Variants in PDE1C observed in about 807,000 individuals in gnomAD.
PDE1C encodes the protein dual specificity calcium/calmodulin-dependent 3',5'-cyclic nucleotide phosphodiesterase 1C.
A neutral mutation model predicts 93.1 loss-of-function variants in PDE1C; 62 were observed. That is an observed-to-expected ratio of 0.67 (90% confidence interval 0.54 to 0.82). The LOEUF (loss-of-function observed/expected upper bound fraction) is 0.82, where lower values mean the gene tolerates loss of function less well. Ranked by LOEUF, PDE1C falls within the 40% of genes least tolerant of loss-of-function variation. The pLI, the probability that PDE1C is intolerant of heterozygous loss-of-function variation, is 0.00. For missense variants in PDE1C, 742 were observed against 884.6 expected (o/e 0.84, Z 2.04); for synonymous variants, 325 against 310.1 (o/e 1.05, Z -0.50).
intron 1 of PDE1C, among the ~76,000 whole-genome samples, chr7:32,058,518 CA>C (rs2128703996): frequency 6.6e-6 from 1 of 152,248 alleles, no homozygotes; most frequent in Non-Finnish European, 1.5e-5. Context: ...CACTGGCATG[CA>C]GGGTACAGGT....
At chr7:31,943,134 C>CTTTGAGCT (rs1335593475) in intron 2 of PDE1C, among the ~76,000 whole-genome samples, 9 of 152,134 alleles carry the variant, frequency 5.9e-5, no homozygotes, top group African/African-American at 1.9e-4. Flanking sequence ...CCAAAAAGAC[C>CTTTGAGCT]TTGTCCTTTG....
intron 17 of PDE1C, among the ~76,000 whole-genome samples, chr7:31,760,020 C>A (rs1794731040): frequency 6.6e-6 from 1 of 152,066 alleles, no homozygotes; most frequent in South Asian, 2.1e-4. Context: ...ATATCAAATA[C>A]AGCTATTAGG....
intron 11 of PDE1C, among the ~76,000 whole-genome samples, chr7:31,834,673 T>C (rs1256722671): frequency 1.3e-5 from 2 of 151,940 alleles, no homozygotes; most frequent in Admixed American, 1.3e-4. Flanking sequence ...CCCCATTGTA[T>C]CTAGGATGTA....
At chr7:31,617,115 C>T in the PDE1C span, among the ~76,000 whole-genome samples, 1 of 152,086 alleles carries the variant, frequency 6.6e-6, no homozygotes, top group Non-Finnish European at 1.5e-5. Context: ...GTGAGCTCGT[C>T]CCGGTATAAT....
chr7:31,624,986 A>C, the PDE1C span, among the ~76,000 whole-genome samples: 1 of 152,252 alleles, frequency 6.6e-6, no homozygotes, highest in African/African-American at 2.4e-5. Flanking sequence ...ACTTCTCAAA[A>C]GAAGACATTT....
At chr7:31,710,741 C>T in the PDE1C span, among the ~76,000 whole-genome samples, 1 of 152,166 alleles carries the variant, frequency 6.6e-6, no homozygotes, top group Non-Finnish European at 1.5e-5. Flanking sequence ...TCAAAAATCT[C>T]CCCAAGGCAG....
In PDE1C at chr7:32,077,328, C is replaced by A. The variant is rs552215296; in HGVS notation, c.308+92457G>T. Among the ~76,000 whole-genome samples, 11 of 152,276 alleles carry A rather than the reference C, an allele frequency of 7.2e-5. No homozygotes were observed. The South Asian group carries it at 2.3e-3, about 32-fold the overall frequency. On this transcript the variant is annotated intron_variant, in intron 3 of 18. Coordinates refer to the PDE1C transcript ENST00000396193. ...TAAAATAGTAGTGCTTCTTCCATCT[C>A]ATCCATCTGGCAGGACACAAAGGGA...
In PDE1C at chr7:31,809,236, A is replaced by T. The variant is rs1316926603; in HGVS notation, c.1814-128T>A. ...ATAGTCATAAGAGTGTATGTGTCTG[A>T]GTGTAAATATCTTTTGTAATCACGT... On this transcript the variant is annotated intron_variant, in intron 15 of 17. Coordinates refer to ENST00000396191, the MANE Select transcript of PDE1C (RefSeq NM_001191057.4). The T allele has an allele frequency of 1.6e-5, 9 of 567,618 alleles. No individual in the cohort carries two copies. The East Asian group carries it at 1.7e-4, about 11-fold the overall frequency. The allele number at this position is 567,618 out of a possible 1,614,324, so 35.2% of individuals were successfully genotyped here.
intron 2 of PDE1C, among the ~76,000 whole-genome samples, chr7:31,906,367 A>C (rs1462035275): frequency 6.6e-6 from 1 of 152,176 alleles, no homozygotes; most frequent in Admixed American, 6.6e-5. Flanking sequence ...TCTCAAGAGC[A>C]TGTTAACTTT....
chr7:32,069,319 G>T (rs1334613391), intron 1 of PDE1C, among the ~76,000 whole-genome samples: 2 of 152,172 alleles, frequency 1.3e-5, no homozygotes. Flanking sequence ...CAAACTGGCA[G>T]GAAGCTGGTT....
At chr7:31,682,669 A>G in the PDE1C span, among the ~76,000 whole-genome samples, 4 of 152,236 alleles carry the variant, frequency 2.6e-5, no homozygotes, top group Non-Finnish European at 5.9e-5. Context: ...CAAAAGAAGT[A>G]CACAATTGTT....
At chr7:32,347,220 A>G (rs1417111923) in intron 1 of PDE1C, among the ~76,000 whole-genome samples, 1 of 152,202 alleles carries the variant, frequency 6.6e-6, no homozygotes. Context: ...ACGATTAGCC[A>G]TGAGACTGAG....
chr7:32,163,470 A>G (rs2128799755), intron 3 of PDE1C, among the ~76,000 whole-genome samples: 1 of 152,316 alleles, frequency 6.6e-6, no homozygotes, highest in East Asian at 1.9e-4. Context: ...TCCGTAGCTG[A>G]GGGTGTTGGC....
At chr7:32,180,526 C>A (rs1329288602) in intron 2 of PDE1C, among the ~76,000 whole-genome samples, 1 of 152,116 alleles carries the variant, frequency 6.6e-6, no homozygotes, top group Non-Finnish European at 1.5e-5. Flanking sequence ...GAGGACACAG[C>A]GCTCCTCCTC....
chr7:32,343,427 G>T (rs1205518989), intron 1 of PDE1C, among the ~76,000 whole-genome samples: 1 of 152,126 alleles, frequency 6.6e-6, no homozygotes, highest in East Asian at 1.9e-4. Context: ...CACAGATGGT[G>T]GGCTGTGGAT....
chr7:32,086,347 A>T (rs1312789841), intron 3 of PDE1C, among the ~76,000 whole-genome samples: 1 of 152,196 alleles, frequency 6.6e-6, no homozygotes, highest in African/African-American at 2.4e-5. Context: ...GCTCAATGAA[A>T]TAAAAGAGGA....
chr7:32,278,127 C>CAAA (rs10626490), intron 1 of PDE1C, among the ~76,000 whole-genome samples: 8,747 of 135,824 alleles, frequency 0.064, 634 homozygotes, highest in African/African-American at 0.17. Context: ...AACGAGTTGC[C>CAAA]AAAAAAAAAA....
intron 2 of PDE1C, among the ~76,000 whole-genome samples, chr7:32,193,019 G>C (rs765215127): frequency 6.6e-5 from 10 of 152,094 alleles, no homozygotes; most frequent in Admixed American, 1.3e-4. Flanking sequence ...GACCGTGCTA[G>C]AACTCATTTA....
rs75181725 is a variant in PDE1C, at chr7:32,018,577, T to C, written c.128+32977A>G. On this transcript the variant is annotated intron_variant, in intron 2 of 17. Coordinates refer to ENST00000396191, the MANE Select transcript of PDE1C (RefSeq NM_001191057.4). ...GAAGCCAAACGCAAAAGATCAGAAA[T>C]TGTATTGTCCCATTTATATGAAATG... Among the ~76,000 whole-genome samples, 1,035 of 152,164 alleles carry C rather than the reference T, an allele frequency of 6.8e-3. 11 individuals are homozygous for C. Among genetic ancestry groups the C allele is most frequent in the African/African-American group, 0.023 (970 of 41,534 alleles).
Sources: gnomAD v4.1 joint callset for allele counts (sites outside exome capture counted in the v4.1 genomes callset) on GRCh38, gnomAD v4.1.1 for gene constraint, MANE v1.5 for transcripts, NCBI Gene and HGNC (gene_info 2026-07-23, HGNC 2026-07-21) for gene names.